NELL2: variants seen among roughly 807,000 people sequenced by gnomAD.
NELL2 encodes the protein neural EGFL like 2.
A neutral mutation model predicts 109.6 loss-of-function variants in NELL2; 41 were observed. The ratio of observed to expected loss-of-function variants is 0.37; its 90% CI spans 0.29 to 0.49. The LOEUF is 0.49. NELL2 is among the 20% of genes least tolerant of loss of function. The probability of loss-of-function intolerance (pLI) is 0.98; values close to 1 mark genes in which losing one functional copy is unlikely to be tolerated. For missense variants in NELL2, 900 were observed against 1,008.3 expected (o/e 0.89, Z 1.45); for synonymous variants, 355 against 344.7 (o/e 1.03, Z -0.33).
rs149400579 is a variant in NELL2, at chr12:44,690,217, A to G, written c.1318+13509T>C. ...CAGCCTGAAACACATTCTAAGATACAGTGTTAGAAAACCAAATTTTATACT... is the reference window on the plus strand; with the variant it reads ...CAGCCTGAAACACATTCTAAGATACGGTGTTAGAAAACCAAATTTTATACT... On this transcript the variant is annotated intron_variant, in intron 12 of 19. Coordinates refer to ENST00000429094, the MANE Select transcript of NELL2 (RefSeq NM_001145108.2). Among the ~76,000 whole-genome samples the G allele has an allele frequency of 4.6e-3, 696 of 152,328 alleles. 5 individuals are homozygous for G. Among genetic ancestry groups the G allele is most frequent in the African/African-American group, 0.016 (656 of 41,568 alleles).
chr12:44,723,811 G>C (rs1230886747), intron 9 of NELL2, among the ~76,000 whole-genome samples: 1 of 152,032 alleles, frequency 6.6e-6, no homozygotes, highest in Non-Finnish European at 1.5e-5. Flanking sequence ...AACTAGTTTA[G>C]CCACTATGGA....
intron 2 of NELL2, among the ~76,000 whole-genome samples, chr12:44,841,853 A>T (rs1319180849): frequency 6.6e-6 from 1 of 152,044 alleles, no homozygotes; most frequent in East Asian, 1.9e-4. Context: ...ATGCCTTAGG[A>T]GTGGAGTTGC....
intron 13 of NELL2, among the ~76,000 whole-genome samples, chr12:44,624,007 G>GAT (rs1946149896): frequency 6.6e-6 from 1 of 152,012 alleles, no homozygotes; most frequent in Non-Finnish European, 1.5e-5. Context: ...CTAGGGGAGG[G>GAT]ATAGCATTAG....
At chr12:44,691,369 C>G (rs1948894420) in intron 12 of NELL2, among the ~76,000 whole-genome samples, 1 of 152,148 alleles carries the variant, frequency 6.6e-6, no homozygotes, top group African/African-American at 2.4e-5. Flanking sequence ...GCACTAAGAA[C>G]ACTGCCCATA....
chr12:44,568,265 A>C (rs533163791), intron 15 of NELL2, among the ~76,000 whole-genome samples: 98 of 152,316 alleles, frequency 6.4e-4, no homozygotes, highest in African/African-American at 2.2e-3. Context: ...GAAAGAGTGC[A>C]GAATCACATA....
chr12:44,642,238 T>C (rs1183498142), intron 13 of NELL2, among the ~76,000 whole-genome samples: 1 of 151,936 alleles, frequency 6.6e-6, no homozygotes, highest in East Asian at 1.9e-4. Context: ...AAGCATTCTA[T>C]CCAAACTGAA....
chr12:44,775,247 G>A (rs1396534927), intron 8 of NELL2, among the ~76,000 whole-genome samples: 1 of 148,262 alleles, frequency 6.7e-6, no homozygotes, highest in Non-Finnish European at 1.5e-5. Context: ...ATGCATGTGC[G>A]TGCGCACGCA....
At chr12:44,591,636 G>A (rs945574007) in intron 15 of NELL2, among the ~76,000 whole-genome samples, 5 of 152,104 alleles carry the variant, frequency 3.3e-5, no homozygotes, top group Non-Finnish European at 5.9e-5. Flanking sequence ...GATAGAAAGA[G>A]GTTGTTTAAA....
intron 12 of NELL2, among the ~76,000 whole-genome samples, chr12:44,674,470 C>T (rs908283259): frequency 3.3e-5 from 5 of 152,050 alleles, no homozygotes; most frequent in African/African-American, 1.2e-4. Flanking sequence ...AATGTAAGAC[C>T]TCATGTTATT....
intron 2 of NELL2, among the ~76,000 whole-genome samples, chr12:44,842,082 C>CAGAAG (rs1944241898): frequency 3.4e-5 from 1 of 29,350 alleles, no homozygotes; most frequent in Non-Finnish European, 6.3e-5. Context: ...CAAGTAAGGA[C>CAGAAG]GGAAGGGAGG....
chr12:44,574,193 C>A (rs1943979300), intron 15 of NELL2, among the ~76,000 whole-genome samples: 1 of 151,856 alleles, frequency 6.6e-6, no homozygotes, highest in Non-Finnish European at 1.5e-5. Flanking sequence ...AACCTCCAGC[C>A]CCCTGGGTTT....
intron 2 of NELL2, among the ~76,000 whole-genome samples, chr12:44,819,783 C>T (rs1393256367): frequency 6.6e-6 from 1 of 152,136 alleles, no homozygotes; most frequent in Non-Finnish European, 1.5e-5. Context: ...AAGGAGGGAC[C>T]CTCCAGCATG....
At chr12:44,895,007 G>T (rs1195546072) in intron 1 of NELL2, among the ~76,000 whole-genome samples, 1 of 152,168 alleles carries the variant, frequency 6.6e-6, no homozygotes, top group Non-Finnish European at 1.5e-5. Context: ...CAAGTTGCTT[G>T]TGACTAGCTT....
At chr12:44,591,484 T>TGATCCTG (rs58530964) in intron 15 of NELL2, among the ~76,000 whole-genome samples, 127,538 of 151,472 alleles carry the variant, frequency 0.84, 54,101 homozygotes, top group East Asian at 1. Context: ...GCAACATGGA[T>TGATCCTG]GAGAACATTA....
chr12:44,898,804 T>C, intron 1 of NELL2, among the ~76,000 whole-genome samples: 1 of 152,082 alleles, frequency 6.6e-6, no homozygotes, highest in East Asian at 1.9e-4. Context: ...AATAACAAAC[T>C]ACTCCGAGCT....
At chr12:44,567,173 G>A (rs529234714) in intron 15 of NELL2, among the ~76,000 whole-genome samples, 15 of 152,220 alleles carry the variant, frequency 9.9e-5, no homozygotes, top group South Asian at 6.2e-4. Context: ...AACTCTATAC[G>A]TTTTCATGAA....
At chr12:44,750,588 A>G (rs1281845500) in intron 9 of NELL2, among the ~76,000 whole-genome samples, 1 of 152,202 alleles carries the variant, frequency 6.6e-6, no homozygotes, top group Admixed American at 6.5e-5. Context: ...CAAGAAATTC[A>G]CTAGATTCAG....
At chr12:44,907,061 A>G (rs1200788960) in intron 1 of NELL2, among the ~76,000 whole-genome samples, 2 of 152,004 alleles carry the variant, frequency 1.3e-5, no homozygotes, top group Non-Finnish European at 2.9e-5. Flanking sequence ...TAATGGTTTT[A>G]TAAGGGGCTT....
chr12:44,793,727 A>AATACTT (rs148297155), intron 3 of NELL2, among the ~76,000 whole-genome samples: 2,191 of 152,272 alleles, frequency 0.014, 50 homozygotes, highest in African/African-American at 0.049. Flanking sequence ...AATGATATAA[A>AATACTT]AGACGTGTAC....
Sources: allele counts gnomAD v4.1 joint callset (sites outside exome capture counted in the v4.1 genomes callset), GRCh38; gene constraint gnomAD v4.1.1; transcripts MANE v1.5; gene names NCBI Gene and HGNC (gene_info 2026-07-23, HGNC 2026-07-21).